PRRC2C: variants seen among roughly 807,000 people sequenced by gnomAD.
The protein encoded by PRRC2C is protein PRRC2C.
Under a neutral mutation model 317.2 loss-of-function variants are expected in PRRC2C, and 72 were observed. The observed-to-expected ratio is 0.23, with a 90% CI of 0.19 to 0.28. PRRC2C has a LOEUF of 0.28. PRRC2C is among the 10% of genes least tolerant of loss of function. The pLI, the probability that PRRC2C is intolerant of heterozygous loss-of-function variation, is 1.00. For synonymous variants in PRRC2C, 1,296 were observed against 1,205.9 expected (o/e 1.07, Z -1.55); for missense variants, 3,074 against 3,459.7 (o/e 0.89, Z 2.80).
At position 171,532,401 on chromosome 1, in the gene PRRC2C, A is replaced by G. The variant is rs1372901747; in HGVS notation, c.1313A>G (p.Gln438Arg). The G allele has an allele frequency of 3.1e-6, 5 of 1,613,878 alleles. No homozygotes were observed. Among genetic ancestry groups the G allele is most frequent in the South Asian group, 1.1e-5 (1 of 91,074 alleles). ...PGRPGPFPSK[Q>R]QVADEDEIWK... Reference sequence around the variant, plus strand: ...AGACCAGGCCCCTTTCCCTCCAAGCAGCAAGTAGCTGATGAAGATGAAATA... The same window carrying G: ...AGACCAGGCCCCTTTCCCTCCAAGCGGCAAGTAGCTGATGAAGATGAAATA... Residue 438 changes from glutamine (Q) to arginine (R), a missense_variant, in exon 12 of 35, where the codon CAG becomes CGG. Around this residue, in one of 11 missense-constraint regions of PRRC2C, gnomAD observed 1,320 missense variants for 1,395.7 expected, o/e 0.95. Coordinates refer to ENST00000647382, the MANE Select transcript of PRRC2C (RefSeq NM_001387844.1).
chr1:171,544,141 G>C (rs1269816199), intron 16 of PRRC2C, among the ~76,000 whole-genome samples: 1 of 151,898 alleles, frequency 6.6e-6, no homozygotes. Context: ...GCGTGGGTGA[G>C]GGACGGAGTC....
Position 171,512,145 on chromosome 1 carries a change from A to C in PRRC2C, c.57A>C (p.Thr19=). 1.3e-6 allele frequency: 2 copies of C among 1,583,070 alleles called. No homozygotes were observed. Among genetic ancestry groups the C allele is most frequent in the Non-Finnish European group, 1.7e-6 (2 of 1,163,932 alleles). Residue 19 remains threonine (T), a synonymous_variant, in exon 2 of 35, where the codon ACA becomes ACC. Coordinates refer to ENST00000647382, the MANE Select transcript of PRRC2C (RefSeq NM_001387844.1). ...TKAKDGKKYA[T]LSLFNTYKGK... Reference sequence around the variant, plus strand: ...CAAAGGATGGGAAAAAGTATGCAACACTCAGTTTATTTAATACTTACAAGG... The same window carrying C: ...CAAAGGATGGGAAAAAGTATGCAACCCTCAGTTTATTTAATACTTACAAGG...
At chr1:171,517,488 C>G in intron 5 of PRRC2C, 103 bp from the exon 6 acceptor site, 1 of 1,066,500 alleles carries the variant, frequency 9.4e-7, no homozygotes, top group Non-Finnish European at 1.4e-6. Flanking sequence ...CCTGCTCTTT[C>G]ACTCTGCTTA....
chr1:171,547,871 T>C (rs1679460257), intron 17 of PRRC2C, among the ~76,000 whole-genome samples: 1 of 152,142 alleles, frequency 6.6e-6, no homozygotes, highest in Non-Finnish European at 1.5e-5. Context: ...CAGGCAGCTC[T>C]CAAACTCCTG....
intron 7 of PRRC2C, among the ~76,000 whole-genome samples, chr1:171,522,779 A>G (rs932413458): frequency 6.6e-6 from 1 of 152,110 alleles, no homozygotes. Flanking sequence ...GTCTCAAAAC[A>G]AAAAGAAAAC....
At chr1:171,552,070 G>A (rs1056015926) in intron 18 of PRRC2C, among the ~76,000 whole-genome samples, 2 of 152,288 alleles carry the variant, frequency 1.3e-5, no homozygotes, top group South Asian at 2.1e-4. Context: ...CCGTTTTTAC[G>A]ATACTGATTC....
intron 13 of PRRC2C, among the ~76,000 whole-genome samples, 160 bp from the exon 14 acceptor site, chr1:171,535,869 T>C (rs1471065086): frequency 6.6e-6 from 1 of 152,238 alleles, no homozygotes; most frequent in Non-Finnish European, 1.5e-5. Flanking sequence ...TAGTTCATCT[T>C]TCAGTTTTTT....
intron 19 of PRRC2C, among the ~76,000 whole-genome samples, chr1:171,559,972 A>G (rs1417693960): frequency 1.3e-5 from 2 of 152,226 alleles, no homozygotes; most frequent in African/African-American, 2.4e-5. Context: ...TGTTGTTTTC[A>G]TGCCTTCCAA....
intron 18 of PRRC2C, among the ~76,000 whole-genome samples, chr1:171,551,689 G>T (rs1267618445): frequency 6.6e-6 from 1 of 152,170 alleles, no homozygotes; most frequent in East Asian, 1.9e-4. Context: ...TGGCTAGCCA[G>T]TTTTCCCAGC....
chr1:171,525,022 T>G, intron 10 of PRRC2C, 57 bp downstream of exon 10: 4 of 1,324,732 alleles, frequency 3.0e-6, no homozygotes, highest in Non-Finnish European at 4.1e-6. Flanking sequence ...TTGTAATTAC[T>G]GTGTAATACT....
At position 171,537,408 on chromosome 1, in the gene PRRC2C, C is replaced by T. The variant is rs772300444; in HGVS notation, c.2439C>T (p.Pro813=). The T allele has an allele frequency of 7.5e-6, 12 of 1,589,616 alleles. No homozygotes were observed. Among genetic ancestry groups the T allele is most frequent in the South Asian group, 4.6e-5 (4 of 87,064 alleles). The part of the protein sequence containing the change: ...SEPRMLWGSD[P]YPHAEPQQAT... ...CTCGTATGCTGTGGGGGTCAGATCC[C>T]TATCCTCATGCTGAGCCTCAACAAG... is the stretch of plus-strand genomic sequence containing the variant. The change falls in exon 15 of 35, where the codon CCC becomes CCT. Residue 813 remains proline, a synonymous_variant. Coordinates refer to ENST00000647382, the MANE Select transcript of PRRC2C (RefSeq NM_001387844.1).
chr1:171,558,224 T>G, intron 19 of PRRC2C, 81 bp downstream of exon 19: 1 of 1,399,718 alleles, frequency 7.1e-7, no homozygotes, highest in South Asian at 1.6e-5. Flanking sequence ...TATATACTCT[T>G]TAAGTGTTTT....
chr1:171,500,531 GA>G (rs1668901965), intron 1 of PRRC2C, among the ~76,000 whole-genome samples: 1 of 152,054 alleles, frequency 6.6e-6, no homozygotes, highest in Non-Finnish European at 1.5e-5. Context: ...TAAGTAGCTT[GA>G]ACTACCGGTA....
At chr1:171,500,497 G>A (rs1238973199) in intron 1 of PRRC2C, among the ~76,000 whole-genome samples, 1 of 151,930 alleles carries the variant, frequency 6.6e-6, no homozygotes, top group Non-Finnish European at 1.5e-5. Context: ...CTTCTGCTGA[G>A]GCTGTCCTCC....
intron 20 of PRRC2C, among the ~76,000 whole-genome samples, chr1:171,563,116 A>G (rs1683004745): frequency 6.6e-6 from 1 of 152,144 alleles, no homozygotes; most frequent in South Asian, 2.1e-4. Flanking sequence ...AGTAGTAGGG[A>G]TGAAAGCCTG....
chr1:171,565,524 T>A (rs950390197), intron 20 of PRRC2C, among the ~76,000 whole-genome samples: 1 of 152,206 alleles, frequency 6.6e-6, no homozygotes, highest in African/African-American at 2.4e-5. Context: ...CTAGGCTCAC[T>A]GCAACGTCCA....
chr1:171,515,070 C>T (rs749423634), intron 4 of PRRC2C, among the ~76,000 whole-genome samples: 9 of 152,254 alleles, frequency 5.9e-5, no homozygotes, highest in Non-Finnish European at 1.3e-4. Context: ...AGCACCACTG[C>T]TGTAATATTC....
intron 9 of PRRC2C, among the ~76,000 whole-genome samples, chr1:171,524,113 A>T (rs1175628847): frequency 6.6e-6 from 1 of 152,112 alleles, no homozygotes; most frequent in Non-Finnish European, 1.5e-5. Context: ...ACAATTTTTT[A>T]AACTGTTACT....
At chr1:171,559,473 A>G (rs917355318) in intron 19 of PRRC2C, among the ~76,000 whole-genome samples, 2 of 149,646 alleles carry the variant, frequency 1.3e-5, no homozygotes, top group Non-Finnish European at 3.0e-5. Flanking sequence ...AGCCTAGATG[A>G]CATCACATCT....
Sources: gnomAD v4.1 joint callset for allele counts (sites outside exome capture counted in the v4.1 genomes callset) on GRCh38, gnomAD v4.1.1 for gene constraint, gnomAD v4.1.1 regional missense constraint, MANE v1.5 for transcripts, NCBI Gene and HGNC (gene_info 2026-07-23, HGNC 2026-07-21) for gene names.